DMD: variants seen among roughly 807,000 people sequenced by gnomAD.
DMD encodes mutant dystrophin.
DMD carries 63 observed loss-of-function variants against 330.1 expected under a neutral mutation model. The observed-to-expected ratio is 0.19, with a 90% CI of 0.16 to 0.24. The LOEUF (loss-of-function observed/expected upper bound fraction) is 0.24, where lower values mean the gene tolerates loss of function less well. Among genes scored for constraint, DMD ranks in the 10% least tolerant of loss-of-function variants. DMD has a pLI of 1.00. For synonymous variants in DMD, 1,223 were observed against 959.8 expected (o/e 1.27, Z -5.07); for missense variants, 3,344 against 2,684.1 (o/e 1.25, Z -5.43).
intron 52 of DMD, among the ~76,000 whole-genome samples, chrX:31,705,563 A>G (rs2084121980): frequency 8.9e-6 from 1 of 112,977 alleles, no homozygotes; most frequent in Non-Finnish European, 1.9e-5. Context: ...GTCGTGTCTG[A>G]AAATCATTTT....
chrX:32,400,614 A>G (rs2098079814), intron 30 of DMD, among the ~76,000 whole-genome samples: 1 of 110,637 alleles, frequency 9.0e-6, no homozygotes, highest in Non-Finnish European at 1.9e-5. Flanking sequence ...AGAAATGCAA[A>G]TCAAAACCAC....
intron 1 of DMD, among the ~76,000 whole-genome samples, chrX:33,121,414 G>A (rs1328342179): frequency 9.1e-6 from 1 of 110,387 alleles, no homozygotes; most frequent in African/African-American, 3.3e-5. Context: ...TGTATTTTTG[G>A]TAGAGACGGG....
chrX:32,578,620 T>C (rs970075766), intron 13 of DMD, among the ~76,000 whole-genome samples: 1 of 111,993 alleles, frequency 8.9e-6, no homozygotes, highest in Non-Finnish European at 1.9e-5. Context: ...TAAAAGAACA[T>C]TTGGATAAAG....
chrX:33,103,906 G>A (rs1024746418), intron 1 of DMD, among the ~76,000 whole-genome samples: 1 of 111,568 alleles, frequency 9.0e-6, no homozygotes, highest in African/African-American at 3.3e-5. Context: ...GATAAATCTA[G>A]CATAATAAAT....
chrX:32,428,073 G>C (rs1285126190), intron 29 of DMD, among the ~76,000 whole-genome samples: 1 of 110,379 alleles, frequency 9.1e-6, no homozygotes, highest in Non-Finnish European at 1.9e-5. Flanking sequence ...ATTTATTTCT[G>C]CTCTTGAATT....
chrX:32,722,054 C>T (rs889863440), intron 7 of DMD, among the ~76,000 whole-genome samples: 1 of 110,026 alleles, frequency 9.1e-6, no homozygotes, highest in African/African-American at 3.3e-5. Flanking sequence ...CTTTTTAATA[C>T]TGTAGATTTA....
intron 57 of DMD, among the ~76,000 whole-genome samples, chrX:31,489,137 G>A (rs914242902): frequency 3.6e-5 from 4 of 111,714 alleles, no homozygotes; most frequent in Non-Finnish European, 7.5e-5. Context: ...CACTCACACA[G>A]GTTTTGTTTG....
At chrX:33,169,517 A>G (rs1030724115) in intron 1 of DMD, among the ~76,000 whole-genome samples, 1 of 111,471 alleles carries the variant, frequency 9.0e-6, no homozygotes, top group Non-Finnish European at 1.9e-5. Context: ...GTCATGATAT[A>G]CTAGGTTGGG....
chrX:32,070,050 G>A (rs1283105464), intron 44 of DMD, among the ~76,000 whole-genome samples: 1 of 111,398 alleles, frequency 9.0e-6, no homozygotes, highest in East Asian at 2.8e-4. Flanking sequence ...GGCAGGGGAG[G>A]AAAGCAGGCT....
At chrX:31,717,305 A>T (rs747700508) in intron 52 of DMD, among the ~76,000 whole-genome samples, 1 of 111,780 alleles carries the variant, frequency 8.9e-6, no homozygotes, top group African/African-American at 3.2e-5. Context: ...GTTTTTAGTT[A>T]CCAAAATACC....
At chrX:31,210,855 T>A (rs2044596293) in intron 64 of DMD, among the ~76,000 whole-genome samples, 1 of 112,676 alleles carries the variant, frequency 8.9e-6, no homozygotes, top group Non-Finnish European at 1.9e-5. Context: ...TAGTGGTTAA[T>A]ACCTATGTAG....
chrX:32,020,085 T>C (rs1238700202), intron 44 of DMD, among the ~76,000 whole-genome samples: 1 of 112,861 alleles, frequency 8.9e-6, no homozygotes, highest in Non-Finnish European at 1.9e-5. Flanking sequence ...GTGGATTGAA[T>C]CTGCTGCCTT....
intron 1 of DMD, among the ~76,000 whole-genome samples, chrX:33,101,356 G>A (rs187059602): frequency 3.9e-4 from 44 of 112,239 alleles, no homozygotes; most frequent in African/African-American, 1.2e-3. Context: ...GGCCAGGTGC[G>A]GTGGCTCACG....
At chrX:33,253,659 T>A (rs749794500) in intron 1 of DMD, among the ~76,000 whole-genome samples, 4 of 110,923 alleles carry the variant, frequency 3.6e-5, no homozygotes, top group Non-Finnish European at 5.7e-5. Flanking sequence ...CTAAAAAAAT[T>A]TCCAGTCCCT....
intron 9 of DMD, among the ~76,000 whole-genome samples, chrX:32,651,330 A>G (rs1028207170): frequency 3.6e-5 from 4 of 109,959 alleles, no homozygotes; most frequent in Non-Finnish European, 7.6e-5. Context: ...TTTAATAGAG[A>G]CAGGGTTTCA....
intron 19 of DMD, among the ~76,000 whole-genome samples, chrX:32,500,080 G>C (rs1267264683): frequency 9.0e-6 from 1 of 110,541 alleles, no homozygotes; most frequent in Non-Finnish European, 1.9e-5. Flanking sequence ...CAAAAGGGTA[G>C]CATAAAATTT....
intron 54 of DMD, among the ~76,000 whole-genome samples, chrX:31,631,663 T>C (rs2148449742): frequency 9.0e-6 from 1 of 111,626 alleles, no homozygotes; most frequent in African/African-American, 3.3e-5. Context: ...CTGAGAGCAC[T>C]CTCCAATAAA....
intron 7 of DMD, among the ~76,000 whole-genome samples, chrX:32,746,838 T>C (rs1428380157): frequency 1.8e-5 from 2 of 111,384 alleles, no homozygotes; most frequent in Non-Finnish European, 3.8e-5. Flanking sequence ...ATCTGTTAAC[T>C]AGCTTGTCCC....
chrX:32,465,559 C>CT (rs5902032), intron 23 of DMD, among the ~76,000 whole-genome samples: 7 of 43,244 alleles, frequency 1.6e-4, no homozygotes, highest in South Asian at 1.4e-3. Flanking sequence ...TTGTTCAGGT[C>CT]TTTTTTTTTT....
Sources: gnomAD v4.1 joint callset for allele counts (sites outside exome capture counted in the v4.1 genomes callset) on GRCh38, gnomAD v4.1.1 for gene constraint, MANE v1.5 for transcripts, NCBI Gene and HGNC (gene_info 2026-07-23, HGNC 2026-07-21) for gene names.